Variants in SH3D19 observed in about 807,000 individuals in gnomAD.
SH3D19 encodes SH3 domain containing 19, also known as SH3 domain-containing protein 19.
A neutral mutation model predicts 112.1 loss-of-function variants in SH3D19; 58 were observed. The ratio of observed to expected loss-of-function variants is 0.52; its 90% CI spans 0.42 to 0.64. The LOEUF (loss-of-function observed/expected upper bound fraction) is 0.64, where lower values mean the gene tolerates loss of function less well. Ranked by LOEUF, SH3D19 falls within the 30% of genes least tolerant of loss-of-function variation. The pLI, the probability that SH3D19 is intolerant of heterozygous loss-of-function variation, is 0.00. For missense variants in SH3D19, 1,090 were observed against 1,263.4 expected, an observed-to-expected ratio of 0.86 and a Z score of 2.08; for synonymous variants, 391 against 448.5, an observed-to-expected ratio of 0.87 and a Z score of 1.62.
intron 2 of SH3D19, among the ~76,000 whole-genome samples, chr4:151,188,272 C>T (rs371709770): frequency 2.6e-5 from 4 of 152,048 alleles, no homozygotes; most frequent in Admixed American, 1.3e-4. Context: ...TACCTTAAAG[C>T]GAGGACTGTA....
intron 1 of SH3D19, among the ~76,000 whole-genome samples, chr4:151,252,055 C>CA (rs1771453627): frequency 1.3e-5 from 2 of 152,228 alleles, no homozygotes; most frequent in Admixed American, 1.3e-4. Context: ...GAAAATCCGT[C>CA]TGTGTTCCAA....
chr4:151,131,415 T>C (rs1420269435), intron 17 of SH3D19, among the ~76,000 whole-genome samples: 1 of 152,114 alleles, frequency 6.6e-6, no homozygotes, highest in African/African-American at 2.4e-5. Context: ...TATATTTTCT[T>C]GATTATTAGA....
intron 1 of SH3D19, among the ~76,000 whole-genome samples, chr4:151,276,284 G>A (rs1773616380): frequency 6.6e-6 from 1 of 152,180 alleles, no homozygotes. Flanking sequence ...GAAAACAAAA[G>A]GCAGAGTGAA....
At chr4:151,187,093 C>A (rs146184154) in intron 3 of SH3D19, among the ~76,000 whole-genome samples, 3,390 of 151,544 alleles carry the variant, frequency 0.022, 56 homozygotes, top group Middle Eastern at 0.035. Context: ...TGCACCCGGC[C>A]GCTACATAAA....
At chr4:151,298,447 A>G (rs939149854) in intron 1 of SH3D19, among the ~76,000 whole-genome samples, 9 of 131,264 alleles carry the variant, frequency 6.9e-5, no homozygotes, top group Non-Finnish European at 1.3e-4. Flanking sequence ...AAGTGCTGGA[A>G]TTACAGGCGT....
chr4:151,233,864 A>C (rs1026588944), intron 1 of SH3D19, among the ~76,000 whole-genome samples: 6 of 152,218 alleles, frequency 3.9e-5, no homozygotes, highest in African/African-American at 1.2e-4. Context: ...TTATCTAAGC[A>C]GCGTCTGATG....
Position 151,139,852 on chromosome 4 carries a change from G to C in SH3D19, c.2224-5C>G. ...CTTCTGAGCGTGGCTTGGATCCTTA[G>C]GGGGAGAAAAGGGCTGTGAATGAAG... On this transcript the variant is annotated splice_polypyrimidine_tract_variant and splice_region_variant and intron_variant, in intron 12 of 19. Transcript: ENST00000604030. 1 of 1,613,970 alleles carries C rather than the reference G, an allele frequency of 6.2e-7. No homozygotes were observed. The highest frequency in any genetic ancestry group is 8.5e-7 in the Non-Finnish European group (1 of 1,179,904).
At chr4:151,185,876 C>A (rs1319282264) in intron 3 of SH3D19, among the ~76,000 whole-genome samples, 1 of 152,066 alleles carries the variant, frequency 6.6e-6, no homozygotes, top group Non-Finnish European at 1.5e-5. Context: ...CCCATCTCTA[C>A]TAAAAATACA....
intron 2 of SH3D19, among the ~76,000 whole-genome samples, chr4:151,211,959 G>A (rs556898735): frequency 6.6e-6 from 1 of 152,296 alleles, no homozygotes; most frequent in East Asian, 1.9e-4. Flanking sequence ...ATTGGTAAAG[G>A]TGGCTACACT....
At chr4:151,165,871 C>T (rs1757927192) in intron 7 of SH3D19, 175 bp from the exon 8 acceptor site, 4 of 570,532 alleles carry the variant, frequency 7.0e-6, no homozygotes, top group South Asian at 6.8e-5. Context: ...AAGGAAATAA[C>T]TTAGTGTTCT....
chr4:151,230,157 T>C (rs1411124977), intron 1 of SH3D19, among the ~76,000 whole-genome samples: 1 of 152,230 alleles, frequency 6.6e-6, no homozygotes, highest in Non-Finnish European at 1.5e-5. Context: ...TCTAGACATA[T>C]GATTCCAATG....
chr4:151,241,546 CTTTA>C (rs924908715), intron 1 of SH3D19, among the ~76,000 whole-genome samples: 60 of 144,504 alleles, frequency 4.2e-4, no homozygotes, highest in African/African-American at 1.4e-3. Context: ...CTAAAAACCA[CTTTA>C]TTTATTTATT....
At chr4:151,193,905 C>G (rs950738079) in intron 2 of SH3D19, among the ~76,000 whole-genome samples, 1 of 151,842 alleles carries the variant, frequency 6.6e-6, no homozygotes, top group African/African-American at 2.4e-5. Context: ...CTTTCCTTCA[C>G]AGTCAACCTA....
chr4:151,280,085 C>G (rs899423254), intron 1 of SH3D19: 3 of 1,155,544 alleles, frequency 2.6e-6, no homozygotes, highest in Non-Finnish European at 3.7e-6. Context: ...CAGGTCATGT[C>G]AGACTATCAA....
At position 151,143,339 on chromosome 4, in the gene SH3D19, G is replaced by T. The variant is rs1341314873; in HGVS notation, c.2223+571C>A. Among the ~76,000 whole-genome samples the T allele has an allele frequency of 2.0e-5, 3 of 152,034 alleles. No homozygotes were observed. In the East Asian group the frequency reaches 5.8e-4, roughly 29 times the overall value. ...CCATAAGTGTGTTCTGAAAGAGGAA[G>T]GACAGCTATGACAGATGGATAATGC... is the stretch of plus-strand genomic sequence containing the variant. On this transcript the variant is annotated intron_variant, in intron 12 of 19. Coordinates refer to ENST00000604030, the MANE Select transcript of SH3D19 (RefSeq NM_001378122.1).
intron 2 of SH3D19, among the ~76,000 whole-genome samples, chr4:151,218,039 A>T (rs4696234): frequency 1.3e-5 from 2 of 151,918 alleles, no homozygotes; most frequent in Non-Finnish European, 2.9e-5. Flanking sequence ...AAAGCAGACT[A>T]GGATAGACAC....
chr4:151,234,740 T>TGGG, intron 1 of SH3D19, among the ~76,000 whole-genome samples: 1 of 75,466 alleles, frequency 1.3e-5, no homozygotes. Flanking sequence ...TTTGTGTTTT[T>TGGG]TTTTTTTTTT....
chr4:151,149,441 A>G, intron 10 of SH3D19, 59 bp downstream of exon 10: 1 of 1,382,260 alleles, frequency 7.2e-7, no homozygotes, highest in East Asian at 2.3e-5. Flanking sequence ...CTTGGTGATA[A>G]AAAAGAGTTG....
chr4:151,291,441 C>T (rs1561437040), intron 1 of SH3D19: 2 of 1,606,732 alleles, frequency 1.2e-6, no homozygotes, highest in African/African-American at 1.3e-5. Context: ...GATTTAGTCC[C>T]AGGGGCAGAT....
Sources: gnomAD v4.1 joint callset for allele counts (sites outside exome capture counted in the v4.1 genomes callset) on GRCh38, gnomAD v4.1.1 for gene constraint, MANE v1.5 for transcripts, NCBI Gene and HGNC (gene_info 2026-07-23, HGNC 2026-07-21) for gene names.